The following PCDH10 variants were observed in gnomAD, a reference collection of about 807,000 sequenced individuals.
PCDH10 encodes the protein protocadherin-10.
A neutral mutation model predicts 74.4 loss-of-function variants in PCDH10; 15 were observed. The ratio of observed to expected loss-of-function variants is 0.20; its 90% CI spans 0.13 to 0.31. The LOEUF is 0.31. Among genes scored for constraint, PCDH10 ranks in the 10% least tolerant of loss-of-function variants. The pLI, the probability that PCDH10 is intolerant of heterozygous loss-of-function variation, is 1.00. For synonymous variants in PCDH10, 619 were observed against 589.8 expected (o/e 1.05, Z -0.72); for missense variants, 1,260 against 1,390.2 (o/e 0.91, Z 1.49).
chr4:133,160,111 G>A (rs1726936382), intron 3 of PCDH10, among the ~76,000 whole-genome samples: 1 of 151,756 alleles, frequency 6.6e-6, no homozygotes, highest in South Asian at 2.1e-4. Flanking sequence ...TAATTTTTCT[G>A]TTACTTATCT....
In PCDH10 at chr4:133,191,486, T is replaced by G. The variant is rs1727668142; in HGVS notation, c.*1326T>G. ...TTAAATGTAGTCAGTGTTTGATTAA[T>G]GAAAAAATTCTTCATGAGTCAGCCT... On this transcript the variant is annotated 3_prime_UTR_variant, in exon 5 of 5. Coordinates refer to ENST00000264360, the MANE Select transcript of PCDH10 (RefSeq NM_032961.3). 1 of 152,204 alleles carries G rather than the reference T, an allele frequency of 6.6e-6. No individual in the cohort carries two copies. The highest frequency in any genetic ancestry group is 2.4e-5 in the African/African-American group (1 of 41,422). 9.4% of individuals were successfully genotyped at this position (152,204 alleles called of 1,614,324 possible).
chr4:133,149,928 C>T lies in PCDH10; in HGVS notation c.-213C>T, dbSNP rs1314030131. The T allele has an allele frequency of 3.9e-6, 2 of 517,064 alleles. No homozygotes were observed. Among genetic ancestry groups the T allele is most frequent in the African/African-American group, 2.0e-5 (1 of 51,198 alleles). 32.0% of individuals were successfully genotyped at this position (517,064 alleles called of 1,614,324 possible). On this transcript the variant is annotated 5_prime_UTR_variant, in exon 1 of 5. Coordinates refer to ENST00000264360, the MANE Select transcript of PCDH10 (RefSeq NM_032961.3). Reference sequence around the variant, plus strand: ...GGAAAGGGGACGCCTGTCACCCTTCCTGTGCTAAGATTTAAAAAAAAATGA... The same window carrying T: ...GGAAAGGGGACGCCTGTCACCCTTCTTGTGCTAAGATTTAAAAAAAAATGA...
chr4:133,208,385 T>G (rs1256765749), exon 3 of PCDH10: 1 of 152,244 alleles, frequency 6.6e-6, no homozygotes, highest in Non-Finnish European at 1.5e-5. Flanking sequence ...AGAATCCTAT[T>G]GTCTGATACA....
chr4:133,198,807 T>C (rs957386709), downstream of PCDH10, among the ~76,000 whole-genome samples: 6 of 152,182 alleles, frequency 3.9e-5, no homozygotes, highest in Non-Finnish European at 7.3e-5. Flanking sequence ...TAGCTGCAAA[T>C]CAGTTATTTG....
In PCDH10 at chr4:133,150,420, C is replaced by T; in HGVS notation, c.280C>T (p.His94Tyr). 1.2e-6 allele frequency: 2 copies of T among 1,614,076 alleles called. No homozygotes were observed. Among genetic ancestry groups the T allele is most frequent in the Non-Finnish European group, 8.5e-7 (1 of 1,179,986 alleles). Residue 94 changes from histidine to tyrosine, a missense_variant, in exon 1 of 5, where the codon CAC becomes TAC. His to Tyr is a moderately conservative substitution (Grantham distance 83). This residue lies in a region of PCDH10 where 63 missense variants were observed against 100.7 expected (regional missense o/e 0.63). Coordinates refer to ENST00000264360, the MANE Select transcript of PCDH10 (RefSeq NM_032961.3). ...CAAACAGAGCCCCTCCTGTGTCCTG[C>T]ACCTGGAGGTCTTTCTGGAGAACCC... ...ICKQSPSCVL[H>Y]LEVFLENPLE...
chr4:133,163,928 A>G (rs1578564280), intron 4 of PCDH10: 1 of 446,790 alleles, frequency 2.2e-6, no homozygotes, highest in South Asian at 1.6e-5. Context: ...TATGAAGTAT[A>G]ACGTGAAAAG....
Position 133,149,963 on chromosome 4 carries a change from G to A in PCDH10, c.-178G>A. ...ATTTAAAAAAAAATGAGGCTGGATT[G>A]CGGGAAGCTCTAAAATGAAGCAAAA... On this transcript the variant is annotated 5_prime_UTR_variant, in exon 1 of 5. Coordinates refer to ENST00000264360, the MANE Select transcript of PCDH10 (RefSeq NM_032961.3). 1.2e-6 allele frequency: 1 copy of A among 814,488 alleles called. No homozygotes were observed. Among genetic ancestry groups the A allele is most frequent in the Non-Finnish European group, 1.7e-6 (1 of 578,066 alleles). The allele number at this position is 814,488 out of a possible 1,614,324, so 50.5% of individuals were successfully genotyped here. A position where few individuals can be genotyped will look rare whatever the true frequency, so the allele number is the denominator to read the frequency against.
At position 133,169,036 on chromosome 4, in the gene PCDH10, C is replaced by T. The variant is rs1011662488; in HGVS notation, c.3103+5754C>T. ...TTCAGGACTTTGAGATGTTAAATTT[C>T]TTTTGATTTGTTCTAAGAACTTATT... On this transcript the variant is annotated intron_variant, in intron 4 of 4. Coordinates refer to ENST00000264360, the MANE Select transcript of PCDH10 (RefSeq NM_032961.3). 1.1e-3 allele frequency among the ~76,000 whole-genome samples: 163 copies of T among 151,646 alleles called. 2 individuals are homozygous for T. The highest frequency in any genetic ancestry group is 7.1e-3 in the Admixed American group (108 of 15,232).
At chr4:133,164,361 A>T (rs1338873950) in intron 4 of PCDH10, among the ~76,000 whole-genome samples, 1 of 152,028 alleles carries the variant, frequency 6.6e-6, no homozygotes, top group Admixed American at 6.6e-5. Context: ...TGCCTCTGAA[A>T]TTGAATTCTG....
In PCDH10 at chr4:133,191,200, G is replaced by A. The variant is rs1727660966; in HGVS notation, c.*1040G>A. 1 of 152,238 alleles carries A rather than the reference G, an allele frequency of 6.6e-6. No individual in the cohort carries two copies. Among genetic ancestry groups the A allele is most frequent in the Non-Finnish European group, 1.5e-5 (1 of 67,878 alleles). 9.4% of individuals were successfully genotyped at this position (152,238 alleles called of 1,614,324 possible). A position where few individuals can be genotyped will look rare whatever the true frequency, so the allele number is the denominator to read the frequency against. ...AAACTGGGTGTCTGTACATTTTGTG[G>A]TGTAAAATATGTAATTGAAGATTAC... On this transcript the variant is annotated 3_prime_UTR_variant, in exon 5 of 5. Transcript: ENST00000264360.
In PCDH10 at chr4:133,151,237, C is replaced by T. The variant is rs1347285798; in HGVS notation, c.1097C>T (p.Ala366Val). ...ATCAGCTTCAGCACCGTGAAGGAAG[C>T]GGTGAGTGAGGGCGCGGCGCCCGGC... ...PEISFSTVKE[A>V]VSEGAAPGTV... The change falls in exon 1 of 5, where the codon GCG (alanine) becomes GTG (valine). Residue 366 changes from alanine to valine, a missense_variant. Ala to Val is a moderately conservative substitution (Grantham distance 64, BLOSUM62 0). Coordinates refer to ENST00000264360, the MANE Select transcript of PCDH10 (RefSeq NM_032961.3). The T allele has an allele frequency of 6.2e-7, 1 of 1,613,844 alleles. No individual in the cohort carries two copies. The highest frequency in any genetic ancestry group is 8.5e-7 in the Non-Finnish European group (1 of 1,179,972).
intron 3 of PCDH10, 107 bp downstream of exon 3, chr4:133,155,130 C>G (rs2271172): frequency 0.2 from 146,900 of 722,938 alleles, 16,298 homozygotes; most frequent in African/African-American, 0.26. Flanking sequence ...AGGTCTAATG[C>G]TGGTAACTCT....
intron 4 of PCDH10, among the ~76,000 whole-genome samples, chr4:133,187,939 A>G (rs1004675933): frequency 2.0e-5 from 3 of 152,134 alleles, no homozygotes; most frequent in South Asian, 4.1e-4. Flanking sequence ...TATGTTGACT[A>G]CTTTCTGAAT....
At chr4:133,155,317 C>G (rs1222422120) in intron 3 of PCDH10, among the ~76,000 whole-genome samples, 1 of 152,182 alleles carries the variant, frequency 6.6e-6, no homozygotes, top group Non-Finnish European at 1.5e-5. Flanking sequence ...AAAGACATAG[C>G]TCTCTCACTT....
chr4:133,193,753 A>G lies in PCDH10; in HGVS notation c.*3593A>G. 6.6e-6 allele frequency: 1 copy of G among 151,662 alleles called. No homozygotes were observed. The highest frequency in any genetic ancestry group is 6.6e-5 in the Admixed American group (1 of 15,190). 9.4% of individuals were successfully genotyped at this position (151,662 alleles called of 1,614,324 possible). The stretch of plus-strand genomic sequence containing the variant: ...CAAGGAACTCAAAAATACTTAAAAT[A>G]TTGGTATACTTGATGATTTTTCTGA... On this transcript the variant is annotated 3_prime_UTR_variant, in exon 5 of 5. Transcript: ENST00000264360.
In PCDH10 at chr4:133,191,239, C is replaced by G. The variant is rs1727661488; in HGVS notation, c.*1079C>G. The G allele has an allele frequency of 6.6e-6, 1 of 152,184 alleles. No individual in the cohort carries two copies. Among genetic ancestry groups the G allele is most frequent in the African/African-American group, 2.4e-5 (1 of 41,408 alleles). The allele number at this position is 152,184 out of a possible 1,614,324, so 9.4% of individuals were successfully genotyped here. ...ATTGAAGATTACTATTTTAAGAAGT[C>G]ATCAGTCATATCACTCACACAGAAT... On this transcript the variant is annotated 3_prime_UTR_variant, in exon 5 of 5. Transcript: ENST00000264360.
intron 4 of PCDH10, among the ~76,000 whole-genome samples, chr4:133,183,027 T>C (rs1313208522): frequency 6.6e-6 from 1 of 152,056 alleles, no homozygotes; most frequent in Non-Finnish European, 1.5e-5. Flanking sequence ...TGTATCTAAA[T>C]GGAAAAGTTA....
chr4:133,168,409 C>T (rs1262218434), intron 4 of PCDH10, among the ~76,000 whole-genome samples: 1 of 151,194 alleles, frequency 6.6e-6, no homozygotes, highest in African/African-American at 2.4e-5. Flanking sequence ...TTTCTATTCC[C>T]CCAGTTAAAG....
rs547043713 is a variant in PCDH10 at position 133,163,023 on chromosome 4, C to T, written c.2844C>T (p.Gly948=). ...GCACTGAGGAATGTAAAGCTCTGGG[C>T]CACTCAGATCGGTGCTGGATGCCTT... ...SNCTEECKAL[G]HSDRCWMPSF... The change falls in exon 4 of 5, where the codon GGC becomes GGT. Residue 948 remains glycine, a synonymous_variant. Coordinates refer to ENST00000264360, the MANE Select transcript of PCDH10 (RefSeq NM_032961.3). The T allele has an allele frequency of 8.1e-6, 13 of 1,614,086 alleles. 1 individual carries two copies. The African/African-American group carries it at 1.2e-4, about 15-fold the overall frequency.
Sources: gnomAD v4.1 joint callset for allele counts (sites outside exome capture counted in the v4.1 genomes callset) on GRCh38, gnomAD v4.1.1 for gene constraint, gnomAD v4.1.1 regional missense constraint, MANE v1.5 for transcripts, NCBI Gene and HGNC (gene_info 2026-07-23, HGNC 2026-07-21) for gene names.